GLB1: variants seen among roughly 807,000 people sequenced by gnomAD.
The protein encoded by GLB1 is galactosidase beta 1, also known as beta-galactosidase.
Under a neutral mutation model 74.0 loss-of-function variants are expected in GLB1, and 56 were observed. That is an observed-to-expected ratio of 0.76 (90% confidence interval 0.61 to 0.94). The LOEUF is 0.94. Among genes scored for constraint, GLB1 ranks in the 40% least tolerant of loss-of-function variants. GLB1 has a pLI of 0.00. For missense variants in GLB1, 787 were observed against 845.5 expected (o/e 0.93, Z 0.86); for synonymous variants, 323 against 323.6 (o/e 1.00, Z 0.02).
At chr3:33,062,710 C>G (rs1000282740) in intron 5 of GLB1, among the ~76,000 whole-genome samples, 2 of 152,158 alleles carry the variant, frequency 1.3e-5, no homozygotes, top group Admixed American at 6.5e-5. Flanking sequence ...ATCACTTGAA[C>G]CCAGGAGGTG....
chr3:32,970,284 T>G, the GLB1 span, among the ~76,000 whole-genome samples: 2 of 152,070 alleles, frequency 1.3e-5, no homozygotes, highest in African/African-American at 4.8e-5. Flanking sequence ...AAACTCACGG[T>G]GGAATCAAGG....
chr3:32,962,557 A>G, the GLB1 span, among the ~76,000 whole-genome samples: 17 of 152,164 alleles, frequency 1.1e-4, no homozygotes, highest in African/African-American at 3.9e-4. Context: ...GAATAATTGG[A>G]ACACCCAAGA....
intron 1 of GLB1, among the ~76,000 whole-genome samples, chr3:33,074,295 C>G (rs751651897): frequency 1.0e-4 from 14 of 139,816 alleles, no homozygotes; most frequent in Non-Finnish European, 1.4e-4. Context: ...GGTGACAGAG[C>G]GAGACTCCGT....
chr3:33,027,818 G>A (rs1697834205), intron 10 of GLB1, among the ~76,000 whole-genome samples: 1 of 152,040 alleles, frequency 6.6e-6, no homozygotes, highest in Admixed American at 6.6e-5. Context: ...ATAAAAAGAG[G>A]AGGACAAAAG....
intron 10 of GLB1, among the ~76,000 whole-genome samples, chr3:33,041,158 C>T (rs1325097420): frequency 1.3e-5 from 2 of 152,074 alleles, no homozygotes; most frequent in Non-Finnish European, 2.9e-5. Flanking sequence ...TCCAAAACTA[C>T]CAAGCAGGAT....
chr3:33,022,564 A>ATGTTTTTTTTTTTTTTTTT (rs1697538426), intron 11 of GLB1, among the ~76,000 whole-genome samples: 1 of 63,746 alleles, frequency 1.6e-5, no homozygotes, highest in Non-Finnish European at 2.9e-5. Flanking sequence ...ACTGGTTAGG[A>ATGTTTTTTTTTTTTTTTTT]TTTTTTTTTT....
chr3:33,031,247 T>C (rs1697992343), intron 10 of GLB1, among the ~76,000 whole-genome samples: 1 of 152,174 alleles, frequency 6.6e-6, no homozygotes, highest in African/African-American at 2.4e-5. Flanking sequence ...TAGAGCTATA[T>C]ACAGGGGATA....
the GLB1 span, among the ~76,000 whole-genome samples, chr3:32,989,586 C>G: frequency 2.6e-5 from 4 of 152,210 alleles, no homozygotes; most frequent in Admixed American, 2.6e-4. Flanking sequence ...GAGACACACA[C>G]AAGACTCATG....
chr3:33,042,446 C>G (rs188177421), intron 10 of GLB1, among the ~76,000 whole-genome samples: 27 of 146,164 alleles, frequency 1.8e-4, no homozygotes, highest in Non-Finnish European at 3.6e-4. Context: ...CGGCTCACTG[C>G]AAGCTCCACC....
chr3:33,052,121 C>T, intron 7 of GLB1, 117 bp from the exon 8 acceptor site: 1 of 1,573,248 alleles, frequency 6.4e-7, no homozygotes, highest in Non-Finnish European at 8.6e-7. Flanking sequence ...CTGACATGCA[C>T]TGCTTAACCC....
chr3:33,081,966 A>C (rs1189127988), intron 1 of GLB1, among the ~76,000 whole-genome samples: 1 of 152,216 alleles, frequency 6.6e-6, no homozygotes, highest in Non-Finnish European at 1.5e-5. Context: ...TACAGTCAAC[A>C]AAATTTGATG....
intron 6 of GLB1, among the ~76,000 whole-genome samples, chr3:33,055,680 G>A (rs1699185868): frequency 6.6e-6 from 1 of 151,138 alleles, no homozygotes; most frequent in Admixed American, 6.6e-5. Flanking sequence ...TGTTGGCCAG[G>A]CTGGTCTCAA....
chr3:33,039,230 C>T (rs4274702), intron 10 of GLB1, among the ~76,000 whole-genome samples: 45,871 of 142,318 alleles, frequency 0.32, 8,186 homozygotes, highest in Middle Eastern at 0.48. Context: ...GTGGAGGTTG[C>T]GGTGAGCTGA....
intron 5 of GLB1, among the ~76,000 whole-genome samples, chr3:33,064,250 T>C (rs1404551513): frequency 4.8e-4 from 62 of 129,218 alleles, no homozygotes; most frequent in East Asian, 2.7e-3. Context: ...ACCAGCCTGG[T>C]CAACATGGTG....
intron 15 of GLB1, among the ~76,000 whole-genome samples, chr3:32,998,462 T>C (rs1036113302): frequency 1.3e-5 from 2 of 151,596 alleles, no homozygotes; most frequent in South Asian, 4.2e-4. Flanking sequence ...TGAGCTGAGA[T>C]TGCGCCACTG....
chr3:33,022,564 A>ATTTTTTTT lies in GLB1; in HGVS notation c.1144-917_1144-910dup, dbSNP rs61013692. On this transcript the variant is annotated intron_variant, in intron 11 of 15. Coordinates refer to ENST00000307363, the MANE Select transcript of GLB1 (RefSeq NM_000404.4). ...TTCCATGACTATAATACTGGTTAGG[A>ATTTTTTTT]TTTTTTTTTTTTTTTTTTTGAGAGA... Among the ~76,000 whole-genome samples the ATTTTTTTT allele has an allele frequency of 1.5e-3, 98 of 63,754 alleles. 31 individuals carry two copies. Among genetic ancestry groups the ATTTTTTTT allele is most frequent in the South Asian group, 3.4e-3 (3 of 890 alleles). 41.8% of individuals were successfully genotyped at this position (63,754 alleles called of 152,430 possible).
At chr3:33,025,315 T>G (rs775298400) in intron 10 of GLB1, among the ~76,000 whole-genome samples, 13 of 152,240 alleles carry the variant, frequency 8.5e-5, no homozygotes, top group Non-Finnish European at 1.6e-4. Flanking sequence ...TTTTTCAAAA[T>G]AAATCCTTAT....
At chr3:33,057,383 C>T (rs1019834840) in intron 6 of GLB1, among the ~76,000 whole-genome samples, 2 of 152,148 alleles carry the variant, frequency 1.3e-5, no homozygotes, top group East Asian at 1.9e-4. Context: ...CAAGAATGGA[C>T]GAATACAGCT....
At chr3:33,059,705 C>T (rs367760499) in intron 5 of GLB1, among the ~76,000 whole-genome samples, 16 of 152,314 alleles carry the variant, frequency 1.1e-4, no homozygotes, top group African/African-American at 3.4e-4. Flanking sequence ...GCACTGGCCA[C>T]GTGCTGTCTC....
Sources: allele counts gnomAD v4.1 joint callset (sites outside exome capture counted in the v4.1 genomes callset), GRCh38; gene constraint gnomAD v4.1.1; transcripts MANE v1.5; gene names NCBI Gene and HGNC (gene_info 2026-07-23, HGNC 2026-07-21).